RALYL: variants seen among roughly 807,000 people sequenced by gnomAD.
RALYL encodes RNA-binding Raly-like protein.
RALYL carries 29 observed loss-of-function variants against 35.1 expected under a neutral mutation model. The observed-to-expected ratio is 0.83, with a 90% CI of 0.61 to 1.13. The LOEUF (loss-of-function observed/expected upper bound fraction) is 1.13, where lower values mean the gene tolerates loss of function less well. RALYL is among the 50% of genes most tolerant of loss of function. The pLI is 0.00. For missense variants in RALYL, 359 were observed against 360.4 expected, an observed-to-expected ratio of 1.00 and a Z score of 0.03; for synonymous variants, 120 against 127.6, an observed-to-expected ratio of 0.94 and a Z score of 0.40.
At position 84,581,732 on chromosome 8, in the gene RALYL, TA is replaced by T. The variant is rs1208916558; in HGVS notation, c.256+52156del. ...TATATTTTATAGGATATTAATAGTA[TA>T]TCCTATAAAATGAGATAATCCAAAT... On this transcript the variant is annotated intron_variant, in intron 2 of 8. Coordinates refer to ENST00000521268, the MANE Select transcript of RALYL (RefSeq NM_173848.7). Among the ~76,000 whole-genome samples the T allele has an allele frequency of 2.4e-3, 362 of 152,300 alleles. 2 individuals are homozygous for T. Among genetic ancestry groups the T allele is most frequent in the African/African-American group, 5.6e-3 (233 of 41,574 alleles).
chr8:84,464,403 G>T (rs373876238), intron 1 of RALYL, among the ~76,000 whole-genome samples: 1 of 150,418 alleles, frequency 6.6e-6, no homozygotes, highest in Admixed American at 6.6e-5. Context: ...TTGGTTTTTT[G>T]TTCTTGCGAT....
chr8:84,351,335 C>A lies in RALYL; in HGVS notation c.-24+166911C>A, dbSNP rs72679306. ...TATGTACTTATAGTTGTGGTTTGTT[C>A]CTCAAACTATTACTTAATGTGATTT... On this transcript the variant is annotated intron_variant, in intron 1 of 8. Coordinates refer to ENST00000521268, the MANE Select transcript of RALYL (RefSeq NM_173848.7). Among the ~76,000 whole-genome samples the A allele has an allele frequency of 1.3e-3, 188 of 149,880 alleles. 3 individuals carry two copies. Among genetic ancestry groups the A allele is most frequent in the Middle Eastern group, 3.4e-3 (1 of 292 alleles).
intron 1 of RALYL, among the ~76,000 whole-genome samples, chr8:84,337,852 C>T (rs1241289211): frequency 6.6e-6 from 1 of 152,050 alleles, no homozygotes; most frequent in Non-Finnish European, 1.5e-5. Flanking sequence ...TATTCTCTTT[C>T]TACATTGTGC....
At chr8:84,274,504 T>A (rs544595447) in intron 1 of RALYL, among the ~76,000 whole-genome samples, 1 of 152,100 alleles carries the variant, frequency 6.6e-6, no homozygotes, top group Non-Finnish European at 1.5e-5. Context: ...GAATAATGCT[T>A]TCATCTTTAA....
intron 1 of RALYL, among the ~76,000 whole-genome samples, chr8:84,491,088 T>C (rs935843957): frequency 2.0e-5 from 3 of 151,910 alleles, no homozygotes; most frequent in African/African-American, 7.2e-5. Context: ...TCTGTCTATA[T>C]AAGTAATATA....
intron 7 of RALYL, among the ~76,000 whole-genome samples, chr8:84,886,041 T>C (rs1328653389): frequency 6.6e-6 from 1 of 152,118 alleles, no homozygotes; most frequent in Admixed American, 6.6e-5. Flanking sequence ...TCAGTGTCTA[T>C]AATTCTGTGG....
chr8:84,869,640 C>A (rs1442822655), intron 6 of RALYL, among the ~76,000 whole-genome samples: 1 of 152,094 alleles, frequency 6.6e-6, no homozygotes, highest in Non-Finnish European at 1.5e-5. Flanking sequence ...AGTAGGACCA[C>A]CCCCTCCAAG....
chr8:84,262,500 A>G (rs150804696), intron 1 of RALYL, among the ~76,000 whole-genome samples: 62 of 152,296 alleles, frequency 4.1e-4, no homozygotes, highest in African/African-American at 1.3e-3. Context: ...AAAGTGAATA[A>G]AACTATGATT....
chr8:84,569,272 C>A (rs1161001246), intron 2 of RALYL, among the ~76,000 whole-genome samples: 1 of 151,956 alleles, frequency 6.6e-6, no homozygotes, highest in Non-Finnish European at 1.5e-5. Flanking sequence ...ATATGGCTAG[C>A]CAGTTTTCCC....
intron 1 of RALYL, among the ~76,000 whole-genome samples, chr8:84,478,913 C>T (rs1436621783): frequency 1.3e-5 from 1 of 75,660 alleles, no homozygotes; most frequent in African/African-American, 4.0e-5. Context: ...CGTGAAACCC[C>T]GTCTCTACTA....
intron 7 of RALYL, among the ~76,000 whole-genome samples, chr8:84,880,755 G>T (rs944700900): frequency 3.3e-5 from 5 of 151,916 alleles, no homozygotes; most frequent in African/African-American, 1.2e-4. Context: ...CCACAAATCA[G>T]TTAGGACATT....
At chr8:84,836,522 C>T (rs1191332882) in intron 4 of RALYL, among the ~76,000 whole-genome samples, 3 of 152,124 alleles carry the variant, frequency 2.0e-5, no homozygotes, top group Admixed American at 2.0e-4. Context: ...GACTAAGTAG[C>T]TTATTTCACT....
chr8:84,890,030 T>G (rs28407300), intron 8 of RALYL, among the ~76,000 whole-genome samples: 6,280 of 152,264 alleles, frequency 0.041, 447 homozygotes, highest in African/African-American at 0.14. Flanking sequence ...GGTAAATATC[T>G]TTATAAACTA....
At chr8:84,916,487 A>G (rs1385833076) in intron 8 of RALYL, among the ~76,000 whole-genome samples, 1 of 151,850 alleles carries the variant, frequency 6.6e-6, no homozygotes, top group Non-Finnish European at 1.5e-5. Context: ...TGTTCTTGTG[A>G]TGGTACATAA....
intron 1 of RALYL, among the ~76,000 whole-genome samples, chr8:84,505,842 G>T (rs7006435): frequency 0.016 from 2,506 of 152,182 alleles, 72 homozygotes; most frequent in African/African-American, 0.057. Flanking sequence ...AGATGGTAAG[G>T]TTAAAGATAT....
At chr8:84,280,384 AAT>A (rs1433010359) in intron 1 of RALYL, among the ~76,000 whole-genome samples, 1 of 152,164 alleles carries the variant, frequency 6.6e-6, no homozygotes, top group African/African-American at 2.4e-5. Flanking sequence ...ATATTTTTAA[AAT>A]TTCATTGAAA....
At chr8:84,200,328 G>A (rs1563520018) in intron 1 of RALYL, among the ~76,000 whole-genome samples, 1 of 152,172 alleles carries the variant, frequency 6.6e-6, no homozygotes, top group East Asian at 1.9e-4. Flanking sequence ...ACAAAGCTTT[G>A]TGTTCATCAA....
chr8:84,687,879 T>C (rs1837161072), intron 2 of RALYL, among the ~76,000 whole-genome samples: 1 of 152,068 alleles, frequency 6.6e-6, no homozygotes, highest in Admixed American at 6.6e-5. Flanking sequence ...AATCCTTTGA[T>C]TCTTATTTTT....
At chr8:84,201,911 A>G in intron 1 of RALYL, among the ~76,000 whole-genome samples, 1 of 152,152 alleles carries the variant, frequency 6.6e-6, no homozygotes, top group East Asian at 1.9e-4. Flanking sequence ...TAAAAGATAA[A>G]TGATATGTAT....
Sources: gnomAD v4.1 joint callset for allele counts (sites outside exome capture counted in the v4.1 genomes callset) on GRCh38, gnomAD v4.1.1 for gene constraint, MANE v1.5 for transcripts, NCBI Gene and HGNC (gene_info 2026-07-23, HGNC 2026-07-21) for gene names.